Variants in ITPR1 observed in about 807,000 individuals in gnomAD.
ITPR1 encodes inositol 1,4,5-trisphosphate-gated calcium channel ITPR1.
In ITPR1, 96 loss-of-function variants were observed where a neutral mutation model predicts 318.4. The observed-to-expected ratio is 0.30, with a 90% CI of 0.26 to 0.36. The LOEUF is 0.36. Among genes scored for constraint, ITPR1 ranks in the 10% least tolerant of loss-of-function variants. ITPR1 has a pLI of 1.00. For missense variants in ITPR1, 2,440 were observed against 3,460.2 expected (o/e 0.71, Z 7.40); for synonymous variants, 1,312 against 1,289.9 (o/e 1.02, Z -0.37).
At chr3:4,808,865 T>C (rs1263683613) in intron 55 of ITPR1, among the ~76,000 whole-genome samples, 1 of 151,352 alleles carries the variant, frequency 6.6e-6, no homozygotes, top group Non-Finnish European at 1.5e-5. Flanking sequence ...CTGCCCCCCC[T>C]CCCCCACAAA....
chr3:4,792,369 T>C (rs1347717359), intron 52 of ITPR1, among the ~76,000 whole-genome samples: 2 of 152,242 alleles, frequency 1.3e-5, no homozygotes, highest in Non-Finnish European at 2.9e-5. Context: ...TAGTTGCTTT[T>C]TATTGCTGTA....
intron 24 of ITPR1, among the ~76,000 whole-genome samples, chr3:4,680,185 G>T (rs1559679795): frequency 1.3e-5 from 2 of 152,104 alleles, no homozygotes; most frequent in African/African-American, 4.8e-5. Context: ...TCCAAAGCAG[G>T]CAACTTCACT....
intron 4 of ITPR1, among the ~76,000 whole-genome samples, chr3:4,523,113 T>C (rs748976141): frequency 1.6e-4 from 25 of 152,186 alleles, no homozygotes; most frequent in Non-Finnish European, 3.4e-4. Context: ...AGAGCTGATC[T>C]AGGTTTCGCT....
chr3:4,660,881 G>T, intron 13 of ITPR1, 107 bp from the exon 14 acceptor site: 1 of 573,248 alleles, frequency 1.7e-6, no homozygotes, highest in Non-Finnish European at 3.0e-6. Context: ...GTATGCAGTA[G>T]GAAACCACTT....
intron 22 of ITPR1, 105 bp downstream of exon 22, chr3:4,674,448 T>A: frequency 1.0e-6 from 1 of 961,468 alleles, no homozygotes; most frequent in Non-Finnish European, 1.5e-6. Flanking sequence ...TTGGTCATGA[T>A]GCTCTGGTTT....
chr3:4,770,343 G>A (rs911854236), intron 46 of ITPR1, among the ~76,000 whole-genome samples: 1 of 152,212 alleles, frequency 6.6e-6, no homozygotes, highest in Non-Finnish European at 1.5e-5. Context: ...AAGGCAAACA[G>A]TGAAATGGAA....
At position 4,710,063 on chromosome 3, in the gene ITPR1, G is replaced by A. The variant is rs1195445221; in HGVS notation, c.4843-262G>A. ...GTCATATTTTAAGCTACATGCAGTG[G>A]TACCTTGAGTAGCATAAGGGCCACC... On this transcript the variant is annotated intron_variant, in intron 37 of 61. Coordinates refer to ENST00000649015, the MANE Select transcript of ITPR1 (RefSeq NM_001378452.1). This position sits in a 1 kb window ranked among gnomAD's most constrained non-coding sequence, Gnocchi z 4.2. Among the ~76,000 whole-genome samples the A allele has an allele frequency of 6.6e-6, 1 of 152,208 alleles. No homozygotes were observed. The highest frequency in any genetic ancestry group is 1.5e-5 in the Non-Finnish European group (1 of 68,036).
At chr3:4,644,305 G>A (rs1159885350) in intron 8 of ITPR1, 71 bp downstream of exon 8, 3 of 1,023,454 alleles carry the variant, frequency 2.9e-6, no homozygotes, top group Non-Finnish European at 4.4e-6. Flanking sequence ...GCCAGTGCAT[G>A]CGTGTGCTGA....
In ITPR1 at chr3:4,814,449, C is replaced by G. The variant is rs755905054; in HGVS notation, c.7588C>G (p.Gln2530Glu). The G allele has an allele frequency of 1.2e-6, 2 of 1,613,934 alleles. No homozygotes were observed. Among genetic ancestry groups the G allele is most frequent in the South Asian group, 2.2e-5 (2 of 91,084 alleles). Residue 2530 changes from glutamine (Q) to glutamate (E), a missense_variant, in exon 58 of 62, where the codon CAG becomes GAG. By Grantham distance (29) the Gln-to-Glu change is conservative. Coordinates refer to ENST00000649015, the MANE Select transcript of ITPR1 (RefSeq NM_001378452.1). ...EELVPAEETE[Q>E]DKEHTCETLL... The stretch of plus-strand genomic sequence containing the variant: ...GCTGGTCCCTGCAGAAGAGACGGAA[C>G]AGGATAAAGAGCACACATGTGAGAC...
intron 60 of ITPR1, among the ~76,000 whole-genome samples, chr3:4,829,954 G>GTTTTTTTTTT (rs35099159): frequency 3.7e-5 from 1 of 27,112 alleles, no homozygotes; most frequent in African/African-American, 1.2e-4. Flanking sequence ...ATGTATAACA[G>GTTTTTTTTTT]TTTTTTTTTT....
intron 43 of ITPR1, 27 bp downstream of exon 43, chr3:4,733,247 G>T (rs369613335): frequency 5.0e-6 from 8 of 1,611,424 alleles, no homozygotes; most frequent in Non-Finnish European, 5.9e-6. Flanking sequence ...AATTACCTTC[G>T]TGTGTGAATC....
At chr3:4,794,988 C>A in intron 52 of ITPR1, 77 bp from the exon 53 acceptor site, 4 of 1,458,454 alleles carry the variant, frequency 2.7e-6, no homozygotes, top group Middle Eastern at 2.5e-4. Flanking sequence ...GCAGAGCTGG[C>A]GGAAGGGCCA....
At chr3:4,626,739 T>C (rs935797069) in intron 4 of ITPR1, among the ~76,000 whole-genome samples, 55 of 152,200 alleles carry the variant, frequency 3.6e-4, no homozygotes, top group Admixed American at 3.5e-3. Flanking sequence ...ATATATTTTC[T>C]TTCTGTGTCC....
At chr3:4,518,858 C>G (rs891903138) in intron 3 of ITPR1, among the ~76,000 whole-genome samples, 1 of 152,130 alleles carries the variant, frequency 6.6e-6, no homozygotes, top group Non-Finnish European at 1.5e-5. Flanking sequence ...TCCTTTGAGA[C>G]CAGGAGCTCA....
chr3:4,715,226 G>T (rs2041680449), intron 39 of ITPR1, among the ~76,000 whole-genome samples: 1 of 152,216 alleles, frequency 6.6e-6, no homozygotes, highest in Admixed American at 6.5e-5. Flanking sequence ...TCAGTGAACA[G>T]ATGGACACCA....
chr3:4,733,901 G>T (rs1366193030), intron 43 of ITPR1, among the ~76,000 whole-genome samples: 1 of 152,192 alleles, frequency 6.6e-6, no homozygotes, highest in African/African-American at 2.4e-5. Context: ...CTCAAAGGTG[G>T]GTCTTACCTA....
chr3:4,837,137 T>C (rs1263307612), intron 61 of ITPR1, among the ~76,000 whole-genome samples: 1 of 152,044 alleles, frequency 6.6e-6, no homozygotes, highest in Non-Finnish European at 1.5e-5. Context: ...GATAAAGCCA[T>C]GGTGCTACTT....
At chr3:4,769,479 A>G (rs975015128) in intron 46 of ITPR1, among the ~76,000 whole-genome samples, 5 of 152,228 alleles carry the variant, frequency 3.3e-5, no homozygotes, top group African/African-American at 1.2e-4. Flanking sequence ...TTCTGAATAA[A>G]TATTTGTTGG....
At chr3:4,669,150 A>G (rs879870882) in intron 18 of ITPR1, among the ~76,000 whole-genome samples, 1 of 152,202 alleles carries the variant, frequency 6.6e-6, no homozygotes, top group Non-Finnish European at 1.5e-5. Flanking sequence ...ACTTCCGTTA[A>G]TTATCTCATT....
Sources: gnomAD v4.1 joint callset for allele counts (sites outside exome capture counted in the v4.1 genomes callset) on GRCh38, gnomAD v4.1.1 for gene constraint, Gnocchi (gnomAD v3.1) non-coding constraint, MANE v1.5 for transcripts, NCBI Gene and HGNC (gene_info 2026-07-23, HGNC 2026-07-21) for gene names.